Variants in SPATA22 observed in about 807,000 individuals in gnomAD.
The protein encoded by SPATA22 is spermatogenesis associated 22.
SPATA22 carries 29 observed loss-of-function variants against 47.8 expected under a neutral mutation model. The observed-to-expected ratio is 0.61, with a 90% CI of 0.45 to 0.83. The LOEUF is 0.83. SPATA22 is among the 40% of genes least tolerant of loss of function. The pLI, the probability that SPATA22 is intolerant of heterozygous loss-of-function variation, is 0.00. For synonymous variants in SPATA22, 133 were observed against 140.9 expected, an observed-to-expected ratio of 0.94 and a Z score of 0.40; for missense variants, 410 against 421.7, an observed-to-expected ratio of 0.97 and a Z score of 0.24.
intron 8 of SPATA22, chr17:3,441,041 A>C (rs2072586417): frequency 6.6e-6 from 1 of 152,104 alleles, no homozygotes; most frequent in Non-Finnish European, 1.5e-5. Context: ...CTTTAGAGAC[A>C]AGTAAATCAG....
At chr17:3,456,627 G>C (rs2073004560) in intron 5 of SPATA22, among the ~76,000 whole-genome samples, 1 of 152,156 alleles carries the variant, frequency 6.6e-6, no homozygotes, top group African/African-American at 2.4e-5. Context: ...GTACAAGGAA[G>C]AGCTGGTACC....
At chr17:3,502,121 A>C (rs532157464) in intron 1 of SPATA22, 1 of 152,338 alleles carries the variant, frequency 6.6e-6, no homozygotes, top group Non-Finnish European at 1.5e-5. Flanking sequence ...GTGCCCAACC[A>C]CCCTGATCAG....
At chr17:3,482,883 G>A (rs576154672) in intron 1 of SPATA22, among the ~76,000 whole-genome samples, 4 of 150,184 alleles carry the variant, frequency 2.7e-5, no homozygotes, top group African/African-American at 9.8e-5. Context: ...TTGGTGTGCC[G>A]CACCCATTAA....
chr17:3,476,481 AGAT>A (rs1325381543), upstream of SPATA22: 3 of 1,238,332 alleles, frequency 2.4e-6, no homozygotes, highest in African/African-American at 1.5e-5. Flanking sequence ...ATGTATATGC[AGAT>A]GATAATTCAT....
intron 1 of SPATA22, among the ~76,000 whole-genome samples, chr17:3,493,841 T>G (rs1371975802): frequency 6.6e-6 from 1 of 152,128 alleles, no homozygotes; most frequent in Non-Finnish European, 1.5e-5. Flanking sequence ...TCAGTTCTGT[T>G]TTCTACCTCT....
chr17:3,443,312 A>G, intron 7 of SPATA22, 41 bp from the exon 8 acceptor site: 1 of 1,394,244 alleles, frequency 7.2e-7, no homozygotes, highest in Non-Finnish European at 1.0e-6. Context: ...AATGTTGGTA[A>G]ACTGCAAATA....
upstream of SPATA22, among the ~76,000 whole-genome samples, chr17:3,473,161 A>G (rs575694186): frequency 6.8e-4 from 103 of 150,418 alleles, no homozygotes; most frequent in Non-Finnish European, 9.9e-4. Flanking sequence ...TAGGGACTGC[A>G]GACATGAGCA....
At chr17:3,489,885 A>AATC (rs1567615002) in intron 1 of SPATA22, among the ~76,000 whole-genome samples, 1 of 152,204 alleles carries the variant, frequency 6.6e-6, no homozygotes, top group Non-Finnish European at 1.5e-5. Flanking sequence ...CACAAGCAAC[A>AATC]TGTTGTTTAC....
intron 1 of SPATA22, chr17:3,494,575 C>T (rs2073879439): frequency 2.4e-6 from 2 of 847,736 alleles, no homozygotes; most frequent in African/African-American, 3.3e-5. Context: ...TCTCATTAGA[C>T]ACTGAGTGTA....
At chr17:3,497,501 C>T (rs2073929280) in intron 1 of SPATA22, among the ~76,000 whole-genome samples, 1 of 152,046 alleles carries the variant, frequency 6.6e-6, no homozygotes, top group Admixed American at 6.6e-5. Context: ...CAAAAATGAG[C>T]GAATTTCACT....
intron 1 of SPATA22, among the ~76,000 whole-genome samples, chr17:3,477,867 G>A (rs374179184): frequency 6.6e-6 from 1 of 152,084 alleles, no homozygotes; most frequent in African/African-American, 2.4e-5. Context: ...CCCTCAAGGA[G>A]TTGGTAGACT....
upstream of SPATA22, chr17:3,476,284 A>G: frequency 6.2e-7 from 1 of 1,614,180 alleles, no homozygotes; most frequent in Non-Finnish European, 8.5e-7. Context: ...GCTGAGATTC[A>G]GAGAACAGGG....
Position 3,485,165 on chromosome 17 carries a change from C to T in SPATA22, c.-73-15767G>A, listed in dbSNP as rs918265224. 2.0e-5 allele frequency among the ~76,000 whole-genome samples: 3 copies of T among 152,066 alleles called. No homozygotes were observed. Among genetic ancestry groups the T allele is most frequent in the Non-Finnish European group, 2.9e-5 (2 of 68,006 alleles). On this transcript the variant is annotated intron_variant, in intron 1 of 8. Coordinates refer to the SPATA22 transcript ENST00000541913. The surrounding 1 kb of genome is among the most constrained non-coding windows in gnomAD (Gnocchi z 4.4). ...TCCCAAGTAGCTTGAACTACAGGCA[C>T]GTGCCACCACATTCAGCTAATTTTT...
At chr17:3,467,179 T>TTGTAATAAA (rs2073333550) in intron 3 of SPATA22, among the ~76,000 whole-genome samples, 1 of 152,178 alleles carries the variant, frequency 6.6e-6, no homozygotes, top group Admixed American at 6.5e-5. Flanking sequence ...TTACAATATA[T>TTGTAATAAA]GTTACTACTT....
chr17:3,500,744 T>A (rs2073980068), intron 1 of SPATA22: 1 of 151,996 alleles, frequency 6.6e-6, no homozygotes, highest in Non-Finnish European at 1.5e-5. Context: ...GACCTCATGA[T>A]CCGCCTGCCT....
chr17:3,505,114 C>T (rs904869309), intron 1 of SPATA22, among the ~76,000 whole-genome samples: 21 of 149,498 alleles, frequency 1.4e-4, no homozygotes, highest in Admixed American at 1.1e-3. Context: ...CTTACTGAAA[C>T]GCTTCCCCAT....
chr17:3,471,827 T>G (rs73305597), upstream of SPATA22: 36,763 of 985,392 alleles, frequency 0.037, 2,300 homozygotes, highest in African/African-American at 0.25. Context: ...ATCAGGCTGT[T>G]CGCAGGCGCC....
At chr17:3,469,482 T>C in intron 1 of SPATA22, 84 bp from the exon 2 acceptor site, 1 of 583,196 alleles carries the variant, frequency 1.7e-6, no homozygotes, top group Middle Eastern at 2.6e-4. Flanking sequence ...ATTATGGTTG[T>C]AAACTACTTT....
At chr17:3,486,002 G>T (rs896064767) in intron 1 of SPATA22, among the ~76,000 whole-genome samples, 1 of 149,482 alleles carries the variant, frequency 6.7e-6, no homozygotes. Flanking sequence ...GCACAATCTC[G>T]GCTCACTGCA....
Sources: allele counts gnomAD v4.1 joint callset (sites outside exome capture counted in the v4.1 genomes callset), GRCh38; gene constraint gnomAD v4.1.1; non-coding constraint Gnocchi (gnomAD v3.1); transcripts MANE v1.5; gene names NCBI Gene and HGNC (gene_info 2026-07-23, HGNC 2026-07-21).